Variants in COL4A4 observed in about 807,000 individuals in gnomAD.
The protein encoded by COL4A4 is collagen type IV alpha 4 chain, also known as collagen alpha-4(IV) chain.
COL4A4 carries 105 observed loss-of-function variants against 192.9 expected under a neutral mutation model. The observed-to-expected ratio is 0.54, with a 90% CI of 0.46 to 0.64. The LOEUF (loss-of-function observed/expected upper bound fraction) is 0.64. COL4A4 is among the 30% of genes least tolerant of loss of function. The pLI is 0.00. For synonymous variants in COL4A4, 762 were observed against 769.9 expected, an observed-to-expected ratio of 0.99 and a Z score of 0.17; for missense variants, 1,967 against 2,169.3, an observed-to-expected ratio of 0.91 and a Z score of 1.85.
chr2:227,099,836 G>T, intron 17 of COL4A4, 147 bp from the exon 18 acceptor site: 1 of 731,400 alleles, frequency 1.4e-6, no homozygotes, highest in Non-Finnish European at 2.4e-6. Flanking sequence ...CATCCATGGA[G>T]TCTTAGGAGC....
the COL4A4 span, among the ~76,000 whole-genome samples, chr2:226,971,796 AT>A: frequency 1.1e-3 from 168 of 148,574 alleles, no homozygotes; most frequent in Middle Eastern, 6.8e-3. Flanking sequence ...TTGAGATATG[AT>A]TTTTTTTTTA....
In COL4A4 at chr2:227,045,849, CACAT is replaced by C. The variant is rs1443707920; in HGVS notation, c.3289+1622_3289+1625del. Among the ~76,000 whole-genome samples the C allele has an allele frequency of 4.3e-3, 187 of 43,878 alleles. 47 individuals are homozygous for C. The highest frequency in any genetic ancestry group is 0.019 in the African/African-American group (182 of 9,800). 28.8% of individuals were successfully genotyped at this position (43,878 alleles called of 152,430 possible). A position where few individuals can be genotyped will look rare whatever the true frequency, so the allele number is the denominator to read the frequency against. Reference sequence around the variant, plus strand: ...ATATATATACACACATATATATATACACATATATATATACACATATATATACATA... The same window carrying C: ...ATATATATACACACATATATATATACATATATATACACATATATATACATA... On this transcript the variant is annotated intron_variant, in intron 35 of 47. Coordinates refer to ENST00000396625, the MANE Select transcript of COL4A4 (RefSeq NM_000092.5).
At chr2:226,971,712 T>C in the COL4A4 span, among the ~76,000 whole-genome samples, 2 of 152,172 alleles carry the variant, frequency 1.3e-5, no homozygotes, top group African/African-American at 4.8e-5. Flanking sequence ...TTGCCTGTTG[T>C]TTCTTTTGGT....
chr2:227,097,162 CAAG>C (rs10586290), intron 19 of COL4A4, among the ~76,000 whole-genome samples: 54,490 of 151,802 alleles, frequency 0.36, 10,747 homozygotes, highest in Non-Finnish European at 0.43. Flanking sequence ...GTCCCATTGC[CAAG>C]AAGAATGCTT....
chr2:227,158,143 T>C (rs2064501933), intron 1 of COL4A4, among the ~76,000 whole-genome samples: 1 of 152,120 alleles, frequency 6.6e-6, no homozygotes. Context: ...TGATGGTAAA[T>C]GAATAGACAT....
intron 33 of COL4A4, 66 bp from the exon 34 acceptor site, chr2:227,050,197 G>T: frequency 1.4e-6 from 2 of 1,407,382 alleles, no homozygotes; most frequent in Non-Finnish European, 2.0e-6. Flanking sequence ...TGCACAACAC[G>T]ATCCAGTTGT....
At chr2:227,098,882 A>C (rs546820194) in intron 18 of COL4A4, 84 bp from the exon 19 acceptor site, 1 of 1,117,486 alleles carries the variant, frequency 8.9e-7, no homozygotes, top group Admixed American at 1.9e-5. Flanking sequence ...TGTGAGACTC[A>C]GTAAAGTATA....
In COL4A4 at chr2:227,074,399, A is replaced by G. The variant is rs530030740; in HGVS notation, c.1987+3495T>C. On this transcript the variant is annotated intron_variant, in intron 25 of 47. Coordinates refer to ENST00000396625, the MANE Select transcript of COL4A4 (RefSeq NM_000092.5). Reference sequence around the variant, plus strand: ...TGGCCATTATTTAAAGACAAAAAACAATAGATATTGGCATGGATGTGGAGA... The same window carrying G: ...TGGCCATTATTTAAAGACAAAAAACGATAGATATTGGCATGGATGTGGAGA... Among the ~76,000 whole-genome samples, 3 of 152,290 alleles carry G rather than the reference A, an allele frequency of 2.0e-5. No homozygotes were observed. In the South Asian group the frequency reaches 6.2e-4, roughly 32 times the overall value.
chr2:227,119,146 CT>C (rs1198293389), intron 6 of COL4A4, among the ~76,000 whole-genome samples: 1 of 151,668 alleles, frequency 6.6e-6, no homozygotes, highest in Non-Finnish European at 1.5e-5. Flanking sequence ...AAAAACATTC[CT>C]TATGAGTATG....
intron 4 of COL4A4, among the ~76,000 whole-genome samples, chr2:227,129,284 C>T (rs567560859): frequency 8.1e-4 from 123 of 152,226 alleles, no homozygotes; most frequent in Non-Finnish European, 1.6e-3. Context: ...CAATTTCACT[C>T]CCCTCCAAAC....
At chr2:227,140,342 GAGA>G in intron 3 of COL4A4, 104 bp from the exon 4 acceptor site, 1 of 876,442 alleles carries the variant, frequency 1.1e-6, no homozygotes, top group Non-Finnish European at 1.9e-6. Context: ...TTGACTCCAT[GAGA>G]AGAAAAGACT....
chr2:227,127,363 T>C (rs999062385), intron 4 of COL4A4, among the ~76,000 whole-genome samples: 1 of 152,182 alleles, frequency 6.6e-6, no homozygotes, highest in African/African-American at 2.4e-5. Flanking sequence ...TCATCAAACC[T>C]GTTATTTGCG....
chr2:226,995,480 AG>A, the COL4A4 span: 15 of 1,613,214 alleles, frequency 9.3e-6, no homozygotes, highest in East Asian at 2.2e-5. Context: ...TCTCACCAGA[AG>A]AAATGAGGAG....
rs1269046056 is a variant in COL4A4, at chr2:227,004,516, C to CT, written c.*2808_*2809insA. 8 of 152,342 alleles carry CT rather than the reference C, an allele frequency of 5.3e-5. No individual in the cohort carries two copies. Among genetic ancestry groups the CT allele is most frequent in the Non-Finnish European group, 8.8e-5 (6 of 68,052 alleles). 9.4% of individuals were successfully genotyped at this position (152,342 alleles called of 1,614,324 possible). On this transcript the variant is annotated 3_prime_UTR_variant, in exon 48 of 48. Transcript: ENST00000396625. ...ATTCTAATCCAGAGGGTGACAAAAT[C>CT]AAGTTTGGGTGGATCTTAGATGGCA...
intron 3 of COL4A4, among the ~76,000 whole-genome samples, chr2:227,144,128 C>T (rs2063394975): frequency 1.3e-5 from 2 of 152,310 alleles, no homozygotes; most frequent in South Asian, 4.1e-4. Flanking sequence ...GACTGGGATT[C>T]TTCAGTGAGG....
At position 227,003,778 on chromosome 2, in the gene COL4A4, G is replaced by T. The variant is rs1303433299; in HGVS notation, c.*3547C>A. The T allele has an allele frequency of 6.6e-6, 1 of 152,096 alleles. No individual in the cohort carries two copies. The highest frequency in any genetic ancestry group is 1.5e-5 in the Non-Finnish European group (1 of 68,012). 9.4% of individuals were successfully genotyped at this position (152,096 alleles called of 1,614,324 possible). On this transcript the variant is annotated 3_prime_UTR_variant, in exon 48 of 48. Coordinates refer to ENST00000396625, the MANE Select transcript of COL4A4 (RefSeq NM_000092.5). Reference sequence around the variant, plus strand: ...GTAAGTCATGTCACATTTTACTGAAGGGTCTTCTCAGTCGGATCTCTCAAA... The same window carrying T: ...GTAAGTCATGTCACATTTTACTGAATGGTCTTCTCAGTCGGATCTCTCAAA...
At chr2:227,070,425 T>C (rs1377837912) in intron 25 of COL4A4, among the ~76,000 whole-genome samples, 2 of 152,076 alleles carry the variant, frequency 1.3e-5, no homozygotes, top group Non-Finnish European at 1.5e-5. Flanking sequence ...CACACGTATG[T>C]TTATTGCGGC....
At chr2:227,053,897 G>A (rs1317153220) in intron 31 of COL4A4, among the ~76,000 whole-genome samples, 2 of 152,034 alleles carry the variant, frequency 1.3e-5, no homozygotes, top group South Asian at 4.2e-4. Flanking sequence ...TCGTGGCCCA[G>A]ATGAAAGTGG....
intron 2 of COL4A4, 127 bp from the exon 3 acceptor site, chr2:227,144,685 G>A (rs917950219): frequency 7.1e-5 from 51 of 722,286 alleles, no homozygotes; most frequent in Admixed American, 3.2e-4. Flanking sequence ...CCTACTAGCC[G>A]ACTTGTCATC....
Sources: gnomAD v4.1 joint callset for allele counts (sites outside exome capture counted in the v4.1 genomes callset) on GRCh38, gnomAD v4.1.1 for gene constraint, MANE v1.5 for transcripts, NCBI Gene and HGNC (gene_info 2026-07-23, HGNC 2026-07-21) for gene names.